Variants in WWP2 observed in about 807,000 individuals in gnomAD.
WWP2 encodes NEDD4-like E3 ubiquitin-protein ligase WWP2.
Under a neutral mutation model 121.0 loss-of-function variants are expected in WWP2, and 57 were observed. That is an observed-to-expected ratio of 0.47 (90% CI 0.38 to 0.59). The LOEUF is 0.59. Ranked by LOEUF, WWP2 falls within the 20% of genes least tolerant of loss-of-function variation. The pLI is 0.00. For synonymous variants in WWP2, 449 were observed against 441.3 expected (o/e 1.02, Z -0.22); for missense variants, 962 against 1,158.9 (o/e 0.83, Z 2.47).
chr16:69,835,680 C>T (rs754481103), intron 4 of WWP2, among the ~76,000 whole-genome samples: 5 of 152,114 alleles, frequency 3.3e-5, no homozygotes, highest in Non-Finnish European at 7.3e-5. Flanking sequence ...GATATCATGA[C>T]ACTTTAATCC....
At chr16:69,902,754 G>T (rs1412905915) in intron 8 of WWP2, among the ~76,000 whole-genome samples, 1 of 152,174 alleles carries the variant, frequency 6.6e-6, no homozygotes, top group Non-Finnish European at 1.5e-5. Context: ...CTTGGCATGG[G>T]GGGGACCAAA....
intron 4 of WWP2, among the ~76,000 whole-genome samples, chr16:69,804,481 A>G (rs1336701923): frequency 6.6e-6 from 1 of 152,150 alleles, no homozygotes; most frequent in South Asian, 2.1e-4. Flanking sequence ...GAGTTGCTTC[A>G]GCTTATATTA....
chr16:69,788,105 G>A (rs2055830566), intron 2 of WWP2: 5 of 152,226 alleles, frequency 3.3e-5, no homozygotes, highest in Admixed American at 2.6e-4. Context: ...ACTCATGCCT[G>A]TAATATCAGC....
intron 11 of WWP2, among the ~76,000 whole-genome samples, chr16:69,927,480 C>G (rs1017655397): frequency 6.6e-6 from 1 of 152,210 alleles, no homozygotes; most frequent in African/African-American, 2.4e-5. Context: ...AAAATGAGGT[C>G]GAGCCAGGTG....
chr16:69,791,469 C>A (rs1215374965), intron 2 of WWP2, among the ~76,000 whole-genome samples: 1 of 152,102 alleles, frequency 6.6e-6, no homozygotes, highest in Non-Finnish European at 1.5e-5. Flanking sequence ...CTCAGGTGAT[C>A]CACCCACCTC....
chr16:69,856,971 A>T (rs2151896831), intron 6 of WWP2, among the ~76,000 whole-genome samples: 1 of 152,236 alleles, frequency 6.6e-6, no homozygotes, highest in East Asian at 1.9e-4. Context: ...AGTTTTAAAA[A>T]ACCATATGAT....
rs1023157507 is a variant in WWP2, at chr16:69,827,992, C to G, written c.341-12134C>G. On this transcript the variant is annotated intron_variant, in intron 4 of 23. Coordinates refer to ENST00000359154, the MANE Select transcript of WWP2 (RefSeq NM_001270454.2). ...TTTAAGAGGATCCACAGCTGGTTCC[C>G]GAGACTCCTTCTGGGGTACCTTGTT... is the stretch of plus-strand genomic sequence containing the variant. 8.8e-5 allele frequency: 39 copies of G among 442,276 alleles called. No individual in the cohort carries two copies. In the Admixed American group the frequency reaches 9.7e-4, roughly 11 times the overall value. 27.4% of individuals were successfully genotyped at this position (442,276 alleles called of 1,614,324 possible).
intron 1 of WWP2, among the ~76,000 whole-genome samples, chr16:69,779,651 CAGG>C (rs1486411302): frequency 6.6e-6 from 1 of 152,128 alleles, no homozygotes; most frequent in African/African-American, 2.4e-5. Flanking sequence ...TGCTACAGTT[CAGG>C]AGAACAAGAT....
intron 4 of WWP2, among the ~76,000 whole-genome samples, chr16:69,833,149 G>A (rs1182589171): frequency 2.6e-5 from 4 of 152,262 alleles, no homozygotes; most frequent in Non-Finnish European, 5.9e-5. Flanking sequence ...GTGAGCCACT[G>A]TGCTCAGCCT....
chr16:69,793,588 T>C (rs2055959583), intron 2 of WWP2, among the ~76,000 whole-genome samples: 1 of 152,028 alleles, frequency 6.6e-6, no homozygotes, highest in Non-Finnish European at 1.5e-5. Context: ...GGTCCTGTGC[T>C]GAGTCCACTT....
rs1240827616 is a variant in WWP2 at position 69,799,838 on chromosome 16, G to A, written c.340+543G>A. ...GGACGCGCCATCTGAATTAGCCAACGTGCCTCTACGTCACGGACATATAAA... is the reference window on the plus strand; with the variant it reads ...GGACGCGCCATCTGAATTAGCCAACATGCCTCTACGTCACGGACATATAAA... On this transcript the variant is annotated intron_variant, in intron 4 of 23. Coordinates refer to ENST00000359154, the MANE Select transcript of WWP2 (RefSeq NM_001270454.2). The surrounding 1 kb of genome is among the most constrained non-coding windows in gnomAD (Gnocchi z 4.5). Among the ~76,000 whole-genome samples, 2 of 152,156 alleles carry A rather than the reference G, an allele frequency of 1.3e-5. No individual in the cohort carries two copies. The highest frequency in any genetic ancestry group is 6.6e-5 in the Admixed American group (1 of 15,262).
At chr16:69,777,628 A>T (rs185927782) in intron 1 of WWP2, among the ~76,000 whole-genome samples, 133 of 151,930 alleles carry the variant, frequency 8.8e-4, no homozygotes, top group African/African-American at 3.0e-3. Context: ...AAATCTTTTT[A>T]TTTATTATAG....
intron 17 of WWP2, among the ~76,000 whole-genome samples, chr16:69,934,499 C>T (rs1432128872): frequency 1.3e-5 from 2 of 150,650 alleles, no homozygotes; most frequent in African/African-American, 4.9e-5. Context: ...GGTCGCTGGG[C>T]CACAGACTTT....
At chr16:69,770,761 G>A (rs1234512641) in intron 1 of WWP2, among the ~76,000 whole-genome samples, 1 of 152,060 alleles carries the variant, frequency 6.6e-6, no homozygotes, top group Non-Finnish European at 1.5e-5. Flanking sequence ...TGAATTAGAG[G>A]ACACCCAGCT....
chr16:69,786,952 C>A, intron 1 of WWP2, 44 bp from the exon 2 acceptor site: 1 of 1,521,240 alleles, frequency 6.6e-7, no homozygotes, highest in Non-Finnish European at 9.0e-7. Context: ...CCTCTGTCTT[C>A]TTATCAGATA....
At chr16:69,769,953 C>T (rs1355265551) in intron 1 of WWP2, among the ~76,000 whole-genome samples, 2 of 150,512 alleles carry the variant, frequency 1.3e-5, no homozygotes, top group African/African-American at 4.9e-5. Flanking sequence ...CGGCTCGCTG[C>T]AGCCTCTAAG....
At chr16:69,839,087 C>A (rs2056928294) in intron 4 of WWP2, among the ~76,000 whole-genome samples, 1 of 132,544 alleles carries the variant, frequency 7.5e-6, no homozygotes, top group Non-Finnish European at 1.5e-5. Flanking sequence ...ATACCTTGTT[C>A]TAGAAGACAG....
In WWP2 at chr16:69,829,863, C is replaced by A. The variant is rs78732099; in HGVS notation, c.341-10263C>A. 7.5e-3 allele frequency among the ~76,000 whole-genome samples: 1,135 copies of A among 152,158 alleles called. 14 individuals carry two copies. The highest frequency in any genetic ancestry group is 0.026 in the African/African-American group (1,073 of 41,508). ...TGTCTGGAAGATAGTGGGCACCCAG[C>A]AAATGTTACTTGAACCTCCTGGGTT... On this transcript the variant is annotated intron_variant, in intron 4 of 23. Coordinates refer to ENST00000359154, the MANE Select transcript of WWP2 (RefSeq NM_001270454.2).
intron 6 of WWP2, among the ~76,000 whole-genome samples, chr16:69,851,021 T>TC (rs2057199449): frequency 2.5e-5 from 3 of 122,116 alleles, no homozygotes; most frequent in African/African-American, 9.2e-5. Context: ...TTTTTTTTTT[T>TC]TTTTTGGACA....
Sources: gnomAD v4.1 joint callset for allele counts (sites outside exome capture counted in the v4.1 genomes callset) on GRCh38, gnomAD v4.1.1 for gene constraint, Gnocchi (gnomAD v3.1) non-coding constraint, MANE v1.5 for transcripts, NCBI Gene and HGNC (gene_info 2026-07-23, HGNC 2026-07-21) for gene names.